Variants in TBC1D1 observed in about 807,000 individuals in gnomAD.
TBC1D1 encodes the protein TBC1 (tre-2/USP6, BUB2, cdc16) domain family, member 1.
A neutral mutation model predicts 125.6 loss-of-function variants in TBC1D1; 89 were observed. The ratio of observed to expected loss-of-function variants is 0.71; its 90% CI spans 0.60 to 0.85. The LOEUF (loss-of-function observed/expected upper bound fraction) is 0.85. TBC1D1 is among the 40% of genes least tolerant of loss of function. TBC1D1 has a pLI of 0.00. For missense variants in TBC1D1, 1,377 were observed against 1,469.2 expected (o/e 0.94, Z 1.03); for synonymous variants, 565 against 564.1 (o/e 1.00, Z -0.02).
At chr4:37,972,903 CAAAAAAAA>C (rs33977382) in intron 2 of TBC1D1, among the ~76,000 whole-genome samples, 4 of 104,588 alleles carry the variant, frequency 3.8e-5, no homozygotes, top group East Asian at 2.7e-4. Context: ...ACTCCATCTC[CAAAAAAAA>C]AAAAAAAAAA....
chr4:37,968,387 T>A (rs1214048937), intron 2 of TBC1D1, among the ~76,000 whole-genome samples: 3 of 152,268 alleles, frequency 2.0e-5, no homozygotes, highest in Non-Finnish European at 4.4e-5. Flanking sequence ...GGCTTTTGGA[T>A]ACATTTAATG....
chr4:37,972,679 G>T (rs1033305704), intron 2 of TBC1D1, among the ~76,000 whole-genome samples: 3 of 151,896 alleles, frequency 2.0e-5, no homozygotes, highest in Non-Finnish European at 4.4e-5. Context: ...GCCGAGGCGG[G>T]CGGGTCACCT....
At chr4:38,091,360 G>C (rs1313008116) in intron 13 of TBC1D1, among the ~76,000 whole-genome samples, 1 of 152,180 alleles carries the variant, frequency 6.6e-6, no homozygotes, top group African/African-American at 2.4e-5. Flanking sequence ...GTTTAGAGCA[G>C]GTGAGTGCTG....
intron 3 of TBC1D1, among the ~76,000 whole-genome samples, chr4:38,015,668 A>G (rs1320474022): frequency 6.6e-6 from 1 of 152,182 alleles, no homozygotes; most frequent in African/African-American, 2.4e-5. Flanking sequence ...GTCTCTGACA[A>G]TGGAAGAGCT....
intron 18 of TBC1D1, among the ~76,000 whole-genome samples, chr4:38,127,914 C>T (rs1473614606): frequency 2.0e-5 from 3 of 152,098 alleles, no homozygotes; most frequent in Admixed American, 1.3e-4. Flanking sequence ...TTAGGCTTCA[C>T]GGGTCATAAC....
At chr4:38,027,932 T>C in intron 7 of TBC1D1, 53 bp downstream of exon 7, 1 of 1,330,772 alleles carries the variant, frequency 7.5e-7, no homozygotes. Context: ...GCAGCTTACC[T>C]GGGAAATGCT....
intron 18 of TBC1D1, among the ~76,000 whole-genome samples, chr4:38,126,984 A>G (rs1016290326): frequency 6.6e-6 from 1 of 150,378 alleles, no homozygotes; most frequent in African/African-American, 2.5e-5. Flanking sequence ...ATTTTCATTC[A>G]TTCTTTCTTT....
intron 12 of TBC1D1, among the ~76,000 whole-genome samples, chr4:38,074,907 C>G (rs972362077): frequency 2.0e-5 from 3 of 152,028 alleles, no homozygotes; most frequent in East Asian, 3.9e-4. Context: ...ATTGCAGGCA[C>G]GCGCCACCAT....
intron 15 of TBC1D1, among the ~76,000 whole-genome samples, chr4:38,113,293 A>G (rs750305882): frequency 4.6e-5 from 7 of 152,090 alleles, no homozygotes; most frequent in Non-Finnish European, 7.4e-5. Context: ...TGCCCCCACC[A>G]TCTGACCACT....
At position 38,014,406 on chromosome 4, in the gene TBC1D1, AG is replaced by A; in HGVS notation, c.418-102del. On this transcript the variant is annotated intron_variant, in intron 2 of 19. Coordinates refer to ENST00000261439, the MANE Select transcript of TBC1D1 (RefSeq NM_015173.4). The surrounding 1 kb of genome is among the most constrained non-coding windows in gnomAD (Gnocchi z 5.1). Reference sequence around the variant, plus strand: ...GTGGGCTCCTCCTCCAGTGCTCCGCAGTGGAGTAGCCAGCGGGGCGTCCCGA... The same window carrying A: ...GTGGGCTCCTCCTCCAGTGCTCCGCATGGAGTAGCCAGCGGGGCGTCCCGA... 1 of 1,134,828 alleles carries A rather than the reference AG, an allele frequency of 8.8e-7. No homozygotes were observed. The highest frequency in any genetic ancestry group is 2.4e-5 in the East Asian group (1 of 41,292). The allele number at this position is 1,134,828 out of a possible 1,614,324, so 70.3% of individuals were successfully genotyped here. A position where few individuals can be genotyped will look rare whatever the true frequency, so the allele number is the denominator to read the frequency against.
intron 2 of TBC1D1, among the ~76,000 whole-genome samples, chr4:37,908,888 C>CT (rs1401532764): frequency 6.6e-6 from 1 of 152,184 alleles, no homozygotes; most frequent in Non-Finnish European, 1.5e-5. Context: ...TAGAAATCGA[C>CT]TTTATTAAAC....
At chr4:38,022,756 T>C (rs922444144) in intron 6 of TBC1D1, among the ~76,000 whole-genome samples, 8 of 152,154 alleles carry the variant, frequency 5.3e-5, no homozygotes, top group African/African-American at 1.9e-4. Flanking sequence ...AGTGGTGATA[T>C]GTTTATCTGA....
chr4:37,893,953 C>G (rs201830035), intron 1 of TBC1D1, among the ~76,000 whole-genome samples: 1 of 151,290 alleles, frequency 6.6e-6, no homozygotes, highest in African/African-American at 2.4e-5. Context: ...AGATTCTTCA[C>G]GAAAGACATG....
intron 3 of TBC1D1, among the ~76,000 whole-genome samples, chr4:38,015,437 A>G (rs1742495100): frequency 2.0e-5 from 3 of 152,030 alleles, no homozygotes. Flanking sequence ...CCAAACTGAA[A>G]TATTAATTTA....
chr4:37,899,443 T>C (rs1715360272), intron 1 of TBC1D1, among the ~76,000 whole-genome samples: 1 of 152,126 alleles, frequency 6.6e-6, no homozygotes, highest in Non-Finnish European at 1.5e-5. Flanking sequence ...TTAGGGTGTA[T>C]GTGGTAGATG....
At chr4:38,003,528 A>C (rs1196419382) in intron 2 of TBC1D1, among the ~76,000 whole-genome samples, 2 of 152,182 alleles carry the variant, frequency 1.3e-5, no homozygotes, top group African/African-American at 4.8e-5. Context: ...TTCGTTCTGT[A>C]CTGAAAGGTA....
At position 38,052,167 on chromosome 4, in the gene TBC1D1, C is replaced by CTGTGTGTGTGTGTGTGTGTG. The variant is rs58659939; in HGVS notation, c.1911-2023_1911-2004dup. 5.6e-4 allele frequency: 415 copies of CTGTGTGTGTGTGTGTGTGTG among 736,596 alleles called. 4 individuals are homozygous for CTGTGTGTGTGTGTGTGTGTG. The African/African-American group carries it at 6.7e-3, about 12-fold the overall frequency. 45.6% of individuals were successfully genotyped at this position (736,596 alleles called of 1,614,324 possible). Reference sequence around the variant, plus strand: ...AATGTCCATGCAGGAAGCAGAGCCACTGTGTGTGTGTGTGTGTGTGTGTGT... The same window carrying CTGTGTGTGTGTGTGTGTGTG: ...AATGTCCATGCAGGAAGCAGAGCCACTGTGTGTGTGTGTGTGTGTGTGTGTGTGTGTGTGTGTGTGTGTGT... On this transcript the variant is annotated intron_variant, in intron 11 of 19. Transcript: ENST00000261439.
At chr4:38,051,372 T>C (rs1278130927) in intron 11 of TBC1D1, among the ~76,000 whole-genome samples, 1 of 152,240 alleles carries the variant, frequency 6.6e-6, no homozygotes, top group Non-Finnish European at 1.5e-5. Context: ...ATATTGTTCA[T>C]TTTAAAGGGA....
chr4:38,079,057 C>T (rs1036037062), intron 12 of TBC1D1, among the ~76,000 whole-genome samples: 1 of 151,996 alleles, frequency 6.6e-6, no homozygotes, highest in African/African-American at 2.4e-5. Flanking sequence ...TGTGACAGCC[C>T]GGAGTACCCT....
Sources: gnomAD v4.1 joint callset for allele counts (sites outside exome capture counted in the v4.1 genomes callset) on GRCh38, gnomAD v4.1.1 for gene constraint, Gnocchi (gnomAD v3.1) non-coding constraint, MANE v1.5 for transcripts, NCBI Gene and HGNC (gene_info 2026-07-23, HGNC 2026-07-21) for gene names.